SMAD5: variants seen among roughly 807,000 people sequenced by gnomAD.
The protein encoded by SMAD5 is MAD, mothers against decapentaplegic homolog 5.
A neutral mutation model predicts 43.1 loss-of-function variants in SMAD5; 9 were observed. The ratio of observed to expected loss-of-function variants is 0.21; its 90% CI spans 0.13 to 0.36. The LOEUF is 0.36. Ranked by LOEUF, SMAD5 falls within the 10% of genes least tolerant of loss-of-function variation. The probability of loss-of-function intolerance (pLI) is 1.00; values close to 1 mark genes in which losing one functional copy is unlikely to be tolerated. For synonymous variants in SMAD5, 190 were observed against 192.4 expected (o/e 0.99, Z 0.10); for missense variants, 348 against 574.0 (o/e 0.61, Z 4.02).
intron 1 of SMAD5, chr5:136,134,106 G>C (rs537909174): frequency 6.6e-6 from 1 of 152,058 alleles, no homozygotes; most frequent in Non-Finnish European, 1.5e-5. Flanking sequence ...AATGGGTGTG[G>C]CGCTAAGTAT....
At chr5:136,163,023 G>A (rs1157440525) in intron 4 of SMAD5, among the ~76,000 whole-genome samples, 1 of 152,150 alleles carries the variant, frequency 6.6e-6, no homozygotes, top group Non-Finnish European at 1.5e-5. Flanking sequence ...TGAATTTTAG[G>A]ACTGATCCTT....
intron 5 of SMAD5, among the ~76,000 whole-genome samples, chr5:136,171,572 A>AT (rs1178713761): frequency 6.6e-6 from 1 of 151,780 alleles, no homozygotes; most frequent in Non-Finnish European, 1.5e-5. Context: ...TCACTCCCTT[A>AT]TTTTTTGTTT....
At chr5:136,153,198 G>C (rs1252449971) in intron 2 of SMAD5, among the ~76,000 whole-genome samples, 1 of 152,130 alleles carries the variant, frequency 6.6e-6, no homozygotes, top group African/African-American at 2.4e-5. Context: ...CTTCTATTCA[G>C]ATCAGGACAC....
At chr5:136,147,965 G>T (rs1753317312) in intron 2 of SMAD5, 59 bp downstream of exon 2, 1 of 151,714 alleles carries the variant, frequency 6.6e-6, no homozygotes, top group East Asian at 1.9e-4. Context: ...TAATAATGCA[G>T]CCCATGTTCT....
intron 1 of SMAD5, chr5:136,134,121 T>C (rs1004575460): frequency 2.0e-5 from 3 of 151,908 alleles, no homozygotes; most frequent in African/African-American, 7.3e-5. Context: ...AAGTATATCT[T>C]GTTTACCTTA....
In SMAD5 at chr5:136,176,406, G is replaced by A. The variant is rs150914187; in HGVS notation, c.1255-931G>A. Among the ~76,000 whole-genome samples the A allele has an allele frequency of 1.5e-3, 198 of 131,478 alleles. 1 individual carries two copies. The highest frequency in any genetic ancestry group is 0.011 in the East Asian group (45 of 4,098). The allele number at this position is 131,478 out of a possible 152,430, so 86.3% of individuals were successfully genotyped here. The stretch of plus-strand genomic sequence containing the variant: ...GGAGGCGGAGGTTGCAGTTAGCCAA[G>A]ATTGCGCCATTGCATTCCAGCCTGG... On this transcript the variant is annotated intron_variant, in intron 7 of 7. Transcript: ENST00000545279.
chr5:136,137,294 A>G (rs1752921450), intron 1 of SMAD5, among the ~76,000 whole-genome samples: 1 of 131,364 alleles, frequency 7.6e-6, no homozygotes. Flanking sequence ...CTCTTCCTAT[A>G]GCATATATGT....
At chr5:136,155,631 T>C (rs1168268249) in intron 3 of SMAD5, among the ~76,000 whole-genome samples, 1 of 152,220 alleles carries the variant, frequency 6.6e-6, no homozygotes, top group Non-Finnish European at 1.5e-5. Flanking sequence ...TCCTTGGACT[T>C]GCCATACTCC....
In SMAD5 at chr5:136,179,505, T is replaced by G. The variant is rs896277116; in HGVS notation, c.*2025T>G. On this transcript the variant is annotated 3_prime_UTR_variant, in exon 8 of 8. Coordinates refer to ENST00000545279, the MANE Select transcript of SMAD5 (RefSeq NM_005903.7). ...CATTTTCGAGGAAAGAATTATGCAATTTCTTTTGTTTTCTGTGTCATTATT... is the reference window on the plus strand; with the variant it reads ...CATTTTCGAGGAAAGAATTATGCAAGTTCTTTTGTTTTCTGTGTCATTATT... 3 of 152,538 alleles carry G rather than the reference T, an allele frequency of 2.0e-5. No individual in the cohort carries two copies. The highest frequency in any genetic ancestry group is 7.2e-5 in the African/African-American group (3 of 41,456). The allele number at this position is 152,538 out of a possible 1,614,324, so 9.4% of individuals were successfully genotyped here.
At chr5:136,159,539 C>T (rs1312453926) in intron 3 of SMAD5, among the ~76,000 whole-genome samples, 1 of 151,750 alleles carries the variant, frequency 6.6e-6, no homozygotes, top group Non-Finnish European at 1.5e-5. Context: ...TTTAGCATAC[C>T]TCTAAAGAAA....
intron 6 of SMAD5, 67 bp from the exon 7 acceptor site, chr5:136,174,309 A>G: frequency 6.7e-7 from 1 of 1,482,580 alleles, no homozygotes; most frequent in Non-Finnish European, 9.4e-7. Context: ...TTGTTGCACC[A>G]TACAGTCTAT....
At chr5:136,168,496 C>A (rs1012832812) in intron 5 of SMAD5, among the ~76,000 whole-genome samples, 1 of 152,180 alleles carries the variant, frequency 6.6e-6, no homozygotes, top group Admixed American at 6.5e-5. Flanking sequence ...TTCTCACATA[C>A]TCTCTTCTCC....
rs928092870 is a variant in SMAD5 at position 136,181,896 on chromosome 5, A to G, written c.*4416A>G. The G allele has an allele frequency of 6.6e-6, 1 of 152,190 alleles. No individual in the cohort carries two copies. Among genetic ancestry groups the G allele is most frequent in the Non-Finnish European group, 1.5e-5 (1 of 68,000 alleles). 9.4% of individuals were successfully genotyped at this position (152,190 alleles called of 1,614,324 possible). On this transcript the variant is annotated 3_prime_UTR_variant, in exon 8 of 8. Transcript: ENST00000545279. The stretch of plus-strand genomic sequence containing the variant: ...TTTTTATTTCTGTTTTGAAGAGCAC[A>G]TGCTATATAATAATTGCTAGTAGCA...
rs1754631164 is a variant in SMAD5 at position 136,181,635 on chromosome 5, G to A, written c.*4155G>A. ...GATGCCTGAATCGAATGTGAGAATT[G>A]AAGGCATTTCTTCTGCATAAACAAA... is the stretch of plus-strand genomic sequence containing the variant. On this transcript the variant is annotated 3_prime_UTR_variant, in exon 8 of 8. Transcript: ENST00000545279. 6.6e-6 allele frequency: 1 copy of A among 152,160 alleles called. No individual in the cohort carries two copies. The highest frequency in any genetic ancestry group is 1.5e-5 in the Non-Finnish European group (1 of 67,996). 9.4% of individuals were successfully genotyped at this position (152,160 alleles called of 1,614,324 possible). A position where few individuals can be genotyped will look rare whatever the true frequency, so the allele number is the denominator to read the frequency against.
chr5:136,174,484 C>T lies in SMAD5; in HGVS notation c.1106C>T (p.Thr369Ile). 6.2e-7 allele frequency: 1 copy of T among 1,613,936 alleles called. No homozygotes were observed. The highest frequency in any genetic ancestry group is 1.1e-5 in the South Asian group (1 of 91,072). The change falls in exon 7 of 8, where the codon ACC becomes ATC. Residue 369 changes from threonine to isoleucine, a missense_variant. By Grantham distance (89) the Thr-to-Ile change is moderately conservative. This residue lies in a region of SMAD5 where 97 missense variants were observed against 211.8 expected (regional missense o/e 0.46). Coordinates refer to ENST00000545279, the MANE Select transcript of SMAD5 (RefSeq NM_005903.7). ...AACTTTCATCATGGCTTTCATCCCA[C>T]CACTGTCTGTAAGATTCCCAGCAGC... is the stretch of plus-strand genomic sequence containing the variant. ...NCNFHHGFHP[T>I]TVCKIPSSCS... is the part of the protein sequence containing the mutation.
intron 7 of SMAD5, among the ~76,000 whole-genome samples, chr5:136,175,052 A>G (rs938343750): frequency 6.7e-6 from 1 of 150,022 alleles, no homozygotes; most frequent in Non-Finnish European, 1.5e-5. Flanking sequence ...AAGGTGAAGG[A>G]GGAGCAAAGT....
intron 2 of SMAD5, among the ~76,000 whole-genome samples, chr5:136,150,366 C>T (rs1040712488): frequency 1.3e-5 from 2 of 151,762 alleles, no homozygotes; most frequent in Non-Finnish European, 2.9e-5. Context: ...GAAATTATCT[C>T]TTAATTTCAA....
intron 3 of SMAD5, among the ~76,000 whole-genome samples, chr5:136,159,244 G>A (rs1180177159): frequency 6.6e-6 from 1 of 152,096 alleles, no homozygotes; most frequent in Non-Finnish European, 1.5e-5. Flanking sequence ...TGCCTCATTT[G>A]CCCTAAGAGC....
At chr5:136,141,434 T>C (rs1753079575) in intron 1 of SMAD5, among the ~76,000 whole-genome samples, 1 of 152,210 alleles carries the variant, frequency 6.6e-6, no homozygotes, top group South Asian at 2.1e-4. Context: ...TGTACTTACA[T>C]ATAGGGGTAT....
Sources: allele counts gnomAD v4.1 joint callset (sites outside exome capture counted in the v4.1 genomes callset), GRCh38; gene constraint gnomAD v4.1.1; regional missense constraint gnomAD v4.1.1; transcripts MANE v1.5; gene names NCBI Gene and HGNC (gene_info 2026-07-23, HGNC 2026-07-21).